The following THRB variants were observed in gnomAD, a reference collection of about 807,000 sequenced individuals.
THRB encodes the protein thyroid hormone receptor beta.
A neutral mutation model predicts 47.8 loss-of-function variants in THRB; 12 were observed. The ratio of observed to expected loss-of-function variants is 0.25; its 90% CI spans 0.16 to 0.41. The LOEUF is 0.41. THRB is among the 10% of genes least tolerant of loss of function. The probability of loss-of-function intolerance (pLI) is 1.00; values close to 1 mark genes in which losing one functional copy is unlikely to be tolerated. For missense variants in THRB, 348 were observed against 589.2 expected, an observed-to-expected ratio of 0.59 and a Z score of 4.24; for synonymous variants, 218 against 212.2, an observed-to-expected ratio of 1.03 and a Z score of -0.24.
At chr3:24,152,539 CAA>C (rs1242034756) in intron 5 of THRB, 49 bp from the exon 6 acceptor site, 2 of 1,004,162 alleles carry the variant, frequency 2.0e-6, no homozygotes, top group East Asian at 4.8e-5. Flanking sequence ...ATGTTAACGT[CAA>C]AGAGACACTA....
intron 1 of THRB, among the ~76,000 whole-genome samples, chr3:24,442,240 C>G (rs796870521): frequency 6.6e-5 from 10 of 152,296 alleles, no homozygotes; most frequent in African/African-American, 2.4e-4. Flanking sequence ...ATAATACTAT[C>G]TATAAGCTAC....
chr3:24,245,521 C>T (rs1279924621), intron 3 of THRB, among the ~76,000 whole-genome samples: 1 of 152,022 alleles, frequency 6.6e-6, no homozygotes, highest in Non-Finnish European at 1.5e-5. Context: ...GAAAGAATAA[C>T]AAAAAAACCC....
chr3:24,346,873 A>G (rs2063052833), intron 1 of THRB, among the ~76,000 whole-genome samples: 1 of 152,062 alleles, frequency 6.6e-6, no homozygotes, highest in Non-Finnish European at 1.5e-5. Flanking sequence ...AGAACAGGCT[A>G]TTAAAAATGA....
chr3:24,321,018 C>T (rs932284347), intron 2 of THRB, among the ~76,000 whole-genome samples: 2 of 152,298 alleles, frequency 1.3e-5, no homozygotes, highest in South Asian at 4.1e-4. Context: ...CAACCCTTTC[C>T]CCCAAGAGGA....
At position 24,122,863 on chromosome 3, in the gene THRB, A is replaced by G. The variant is rs1335035897; in HGVS notation, c.*21T>C. On this transcript the variant is annotated 3_prime_UTR_variant, in exon 11 of 11. Transcript: ENST00000646209. ...GACACCCAGTAGTGCTGTAGGAATT[A>G]TGAGAATGAATCCAGTCAGTCTAAT... 4 of 1,614,118 alleles carry G rather than the reference A, an allele frequency of 2.5e-6. No homozygotes were observed. The highest frequency in any genetic ancestry group is 3.4e-6 in the Non-Finnish European group (4 of 1,180,028).
At chr3:24,178,800 GT>G (rs1413827026) in intron 5 of THRB, among the ~76,000 whole-genome samples, 3 of 152,076 alleles carry the variant, frequency 2.0e-5, no homozygotes, top group Non-Finnish European at 2.9e-5. Flanking sequence ...ATAGATGTTC[GT>G]CAAAGGGTAC....
chr3:24,204,194 C>G (rs2044984395), intron 4 of THRB, among the ~76,000 whole-genome samples: 2 of 152,348 alleles, frequency 1.3e-5, no homozygotes, highest in East Asian at 1.9e-4. Flanking sequence ...TGAAAACAGA[C>G]AGACTGCCTC....
At chr3:24,218,343 T>TCTC (rs1491207202) in intron 4 of THRB, among the ~76,000 whole-genome samples, 2 of 78,770 alleles carry the variant, frequency 2.5e-5, no homozygotes, top group Non-Finnish European at 4.9e-5. Context: ...TCTCTCTCTC[T>TCTC]TTTTTTTTTT....
intron 1 of THRB, among the ~76,000 whole-genome samples, chr3:24,442,636 C>T (rs2071642389): frequency 1.3e-5 from 2 of 151,820 alleles, no homozygotes; most frequent in South Asian, 4.2e-4. Flanking sequence ...ACCAGCCTGA[C>T]CAACATGGAG....
intron 5 of THRB, among the ~76,000 whole-genome samples, chr3:24,169,862 C>A (rs1389377540): frequency 1.3e-5 from 2 of 151,956 alleles, no homozygotes; most frequent in Non-Finnish European, 2.9e-5. Flanking sequence ...TTGCCTGTGG[C>A]TGCTTTTGTG....
At chr3:24,211,128 A>C (rs2045977872) in intron 4 of THRB, among the ~76,000 whole-genome samples, 2 of 150,630 alleles carry the variant, frequency 1.3e-5, no homozygotes, top group Admixed American at 6.6e-5. Context: ...TGAACCTGGG[A>C]GGCAGAGGGT....
chr3:24,142,971 G>T (rs570401677), intron 8 of THRB, among the ~76,000 whole-genome samples: 5 of 152,118 alleles, frequency 3.3e-5, no homozygotes, highest in Admixed American at 3.3e-4. Flanking sequence ...ACACACTCGT[G>T]CCCACCAACC....
intron 4 of THRB, among the ~76,000 whole-genome samples, chr3:24,202,111 T>A (rs1479371566): frequency 6.6e-6 from 1 of 152,080 alleles, no homozygotes. Flanking sequence ...TTATGGGAAG[T>A]CAACACTGGA....
intron 3 of THRB, among the ~76,000 whole-genome samples, chr3:24,273,267 A>G (rs1241193776): frequency 6.6e-6 from 1 of 152,164 alleles, no homozygotes; most frequent in Non-Finnish European, 1.5e-5. Context: ...AGTAGCTACA[A>G]TGTGTCAGGC....
intron 1 of THRB, among the ~76,000 whole-genome samples, chr3:24,417,956 G>C (rs187861045): frequency 2.0e-5 from 3 of 151,950 alleles, no homozygotes; most frequent in Admixed American, 2.0e-4. Context: ...CAGGTTGCCA[G>C]GCCAAAAGCC....
intron 5 of THRB, chr3:24,165,154 T>C (rs778986588): frequency 1.0e-5 from 8 of 764,962 alleles, no homozygotes; most frequent in African/African-American, 1.7e-5. Flanking sequence ...TAAACATGTT[T>C]CCAGGGTAAC....
At chr3:24,195,989 G>A (rs919409182) in intron 4 of THRB, among the ~76,000 whole-genome samples, 9 of 152,368 alleles carry the variant, frequency 5.9e-5, no homozygotes, top group African/African-American at 1.9e-4. Context: ...AAATAGGGAT[G>A]AGCACTGTTG....
At chr3:24,300,043 G>C (rs964694023) in intron 2 of THRB, among the ~76,000 whole-genome samples, 1 of 151,966 alleles carries the variant, frequency 6.6e-6, no homozygotes, top group Non-Finnish European at 1.5e-5. Context: ...TACATCTCTA[G>C]ATCTGTCCAG....
intron 9 of THRB, among the ~76,000 whole-genome samples, chr3:24,131,400 A>C (rs1332346196): frequency 2.0e-5 from 3 of 152,244 alleles, no homozygotes; most frequent in Non-Finnish European, 4.4e-5. Context: ...AGGCATGGGA[A>C]GCTCCATGGC....
Sources: gnomAD v4.1 joint callset for allele counts (sites outside exome capture counted in the v4.1 genomes callset) on GRCh38, gnomAD v4.1.1 for gene constraint, MANE v1.5 for transcripts, NCBI Gene and HGNC (gene_info 2026-07-23, HGNC 2026-07-21) for gene names.